The following LRRIQ3 variants were observed in gnomAD, a reference collection of about 807,000 sequenced individuals.
The protein encoded by LRRIQ3 is leucine rich repeats and IQ motif containing 3, also known as leucine-rich repeat and IQ domain-containing protein 3.
In LRRIQ3, 75 loss-of-function variants were observed where a neutral mutation model predicts 59.3. The ratio of observed to expected loss-of-function variants is 1.26; its 90% CI spans 1.05 to 1.53. The LOEUF (loss-of-function observed/expected upper bound fraction) is 1.53, where lower values mean the gene tolerates loss of function less well. Among genes scored for constraint, LRRIQ3 ranks in the 40% most tolerant of loss-of-function variants. The pLI is 0.00. For missense variants in LRRIQ3, 831 were observed against 710.0 expected (o/e 1.17, Z -1.94); for synonymous variants, 250 against 231.3 (o/e 1.08, Z -0.73).
intron 3 of LRRIQ3, among the ~76,000 whole-genome samples, chr1:74,169,583 C>T (rs1649197895): frequency 6.6e-6 from 1 of 152,018 alleles, no homozygotes. Flanking sequence ...CAGGGTCTTG[C>T]TCTGTCACCC....
chr1:74,131,267 C>A lies in LRRIQ3; in HGVS notation c.708-21714G>T, dbSNP rs146719105. On this transcript the variant is annotated intron_variant, in intron 4 of 7. Transcript: ENST00000354431. ...AGACCAAAAAAAGTCCAGGACCAGA[C>A]AGATTCACAGCCGAATTCTACTAGA... is the stretch of plus-strand genomic sequence containing the variant. Among the ~76,000 whole-genome samples the A allele has an allele frequency of 3.9e-5, 6 of 152,064 alleles. No homozygotes were observed. The East Asian group carries it at 9.7e-4, about 25-fold the overall frequency.
At chr1:74,110,558 A>C (rs1406344922) in intron 4 of LRRIQ3, among the ~76,000 whole-genome samples, 1 of 152,064 alleles carries the variant, frequency 6.6e-6, no homozygotes, top group African/African-American at 2.4e-5. Context: ...TGATTTACCA[A>C]AAATCAGTAA....
At chr1:74,080,714 A>G (rs934790520) in intron 5 of LRRIQ3, among the ~76,000 whole-genome samples, 3 of 151,780 alleles carry the variant, frequency 2.0e-5, no homozygotes, top group Non-Finnish European at 3.0e-5. Flanking sequence ...AGATTATACT[A>G]AAACTCAAAC....
At chr1:74,179,985 C>G (rs1649879746) in intron 3 of LRRIQ3, 1 of 151,846 alleles carries the variant, frequency 6.6e-6, no homozygotes, top group Non-Finnish European at 1.5e-5. Flanking sequence ...TAAAGTGAGG[C>G]AAGTACCACT....
intron 3 of LRRIQ3, among the ~76,000 whole-genome samples, chr1:74,177,111 AT>A (rs1056013185): frequency 6.6e-6 from 1 of 152,026 alleles, no homozygotes; most frequent in African/African-American, 2.4e-5. Context: ...TTTAATATGT[AT>A]TTTTTTGTTT....
At chr1:74,102,695 C>A (rs1646552958) in intron 5 of LRRIQ3, among the ~76,000 whole-genome samples, 1 of 151,924 alleles carries the variant, frequency 6.6e-6, no homozygotes, top group Admixed American at 6.6e-5. Flanking sequence ...TACTCTTTCC[C>A]TTTCCTAGGA....
At chr1:74,136,409 T>C (rs1016825128) in intron 4 of LRRIQ3, among the ~76,000 whole-genome samples, 6 of 151,988 alleles carry the variant, frequency 3.9e-5, no homozygotes, top group Admixed American at 3.3e-4. Flanking sequence ...TCATTCCAGA[T>C]GGTGGCTACA....
chr1:74,125,583 G>T (rs144415084), intron 4 of LRRIQ3, among the ~76,000 whole-genome samples: 9 of 151,914 alleles, frequency 5.9e-5, no homozygotes, highest in Middle Eastern at 3.4e-3. Context: ...TGTGTCAAAT[G>T]CTTTTTCAGT....
chr1:74,102,098 C>A (rs982876288), intron 5 of LRRIQ3, among the ~76,000 whole-genome samples: 3 of 150,106 alleles, frequency 2.0e-5, no homozygotes, highest in Non-Finnish European at 4.4e-5. Flanking sequence ...TGTAAGAGTG[C>A]ATTTGGAGAC....
In LRRIQ3 at chr1:74,026,898, C is replaced by G. The variant is rs758436588; in HGVS notation, c.1790G>C (p.Cys597Ser). The change falls in exon 8 of 8, where the codon TGT becomes TCT. Residue 597 changes from cysteine to serine, a missense_variant. Coordinates refer to ENST00000354431, the MANE Select transcript of LRRIQ3 (RefSeq NM_001105659.2). ...VMDMIAFEKA[C>S]ERLQDAKTKV... is the part of the protein sequence containing the mutation. ...TGTTTTAGCATCTTGAAGTCTTTCA[C>G]AGGCTTTTTCAAAGGCAATCATATC... The G allele has an allele frequency of 6.2e-7, 1 of 1,605,340 alleles. No individual in the cohort carries two copies. The highest frequency in any genetic ancestry group is 1.1e-5 in the South Asian group (1 of 90,234).
At chr1:74,113,988 A>G (rs1646741027) in intron 4 of LRRIQ3, among the ~76,000 whole-genome samples, 2 of 151,456 alleles carry the variant, frequency 1.3e-5, no homozygotes, top group Admixed American at 6.6e-5. Flanking sequence ...TATACACACA[A>G]CTATATATAT....
chr1:74,099,150 G>T (rs1646493314), intron 5 of LRRIQ3, among the ~76,000 whole-genome samples: 1 of 152,054 alleles, frequency 6.6e-6, no homozygotes, highest in Non-Finnish European at 1.5e-5. Flanking sequence ...AAAATTGATA[G>T]ACCACTAGCA....
chr1:74,111,856 T>C (rs1005091417), intron 4 of LRRIQ3, among the ~76,000 whole-genome samples: 2 of 152,052 alleles, frequency 1.3e-5, no homozygotes, highest in African/African-American at 4.8e-5. Flanking sequence ...AGTTGAGGGC[T>C]ATGGTATTTT....
chr1:74,045,618 A>G (rs1654178755), intron 6 of LRRIQ3, among the ~76,000 whole-genome samples: 1 of 152,178 alleles, frequency 6.6e-6, no homozygotes, highest in African/African-American at 2.4e-5. Context: ...CAGGGCAATC[A>G]GACAAGAGAA....
chr1:74,155,620 C>A (rs1648271860), intron 4 of LRRIQ3, 113 bp downstream of exon 4: 1 of 881,342 alleles, frequency 1.1e-6, no homozygotes, highest in East Asian at 3.0e-5. Context: ...CAGACTATAC[C>A]ATTTTAATGA....
chr1:74,168,848 T>C (rs1283917864), intron 3 of LRRIQ3, among the ~76,000 whole-genome samples: 1 of 152,160 alleles, frequency 6.6e-6, no homozygotes, highest in African/African-American at 2.4e-5. Context: ...ATAATCAAGG[T>C]AATAAATATA....
At chr1:74,172,427 T>C (rs1377163921) in intron 3 of LRRIQ3, among the ~76,000 whole-genome samples, 1 of 152,212 alleles carries the variant, frequency 6.6e-6, no homozygotes. Flanking sequence ...TCTAGTTTTA[T>C]TCCATTGTGC....
At chr1:74,190,746 TA>T (rs537568078) in intron 1 of LRRIQ3, among the ~76,000 whole-genome samples, 78 of 147,766 alleles carry the variant, frequency 5.3e-4, no homozygotes, top group Middle Eastern at 7.1e-3. Context: ...AAATCAAAGG[TA>T]AAAAAAAAAT....
intron 4 of LRRIQ3, among the ~76,000 whole-genome samples, chr1:74,154,353 C>CT (rs1490637071): frequency 2.0e-5 from 3 of 146,690 alleles, no homozygotes; most frequent in Admixed American, 1.4e-4. Flanking sequence ...GAAATAAGTA[C>CT]TTTTTTTATC....
Sources: gnomAD v4.1 joint callset for allele counts (sites outside exome capture counted in the v4.1 genomes callset) on GRCh38, gnomAD v4.1.1 for gene constraint, MANE v1.5 for transcripts, NCBI Gene and HGNC (gene_info 2026-07-23, HGNC 2026-07-21) for gene names.